EDARADD: variants seen among roughly 807,000 people sequenced by gnomAD.
EDARADD encodes the protein EDAR associated via death domain.
EDARADD carries 20 observed loss-of-function variants against 25.6 expected under a neutral mutation model. The observed-to-expected ratio is 0.78, with a 90% CI of 0.55 to 1.14. The LOEUF is 1.14. Among genes scored for constraint, EDARADD ranks in the 50% most tolerant of loss-of-function variants. The pLI is 0.00. For missense variants in EDARADD, 225 were observed against 270.1 expected (o/e 0.83, Z 1.17); for synonymous variants, 86 against 94.4 (o/e 0.91, Z 0.52).
intron 1 of EDARADD, among the ~76,000 whole-genome samples, chr1:236,399,693 T>C (rs1233243546): frequency 6.6e-6 from 1 of 152,204 alleles, no homozygotes; most frequent in Admixed American, 6.5e-5. Context: ...TGATTGTTCA[T>C]ACAGATAGAT....
At chr1:236,403,270 C>T (rs766076706) in intron 1 of EDARADD, among the ~76,000 whole-genome samples, 1 of 150,198 alleles carries the variant, frequency 6.7e-6, no homozygotes, top group Non-Finnish European at 1.5e-5. Context: ...TAAGTGAGAG[C>T]TTTGAAAGCT....
chr1:236,439,196 G>T (rs1413733737), intron 4 of EDARADD, among the ~76,000 whole-genome samples: 3 of 152,126 alleles, frequency 2.0e-5, no homozygotes, highest in African/African-American at 7.2e-5. Context: ...TTTCTGTTTA[G>T]TGCTTAATAA....
At chr1:236,446,102 A>T (rs542854157) in intron 4 of EDARADD, among the ~76,000 whole-genome samples, 39 of 152,312 alleles carry the variant, frequency 2.6e-4, no homozygotes, top group African/African-American at 9.4e-4. Flanking sequence ...GCTCCATTTT[A>T]CTCTAAGAGA....
chr1:236,448,115 A>G (rs1490310962), intron 4 of EDARADD, among the ~76,000 whole-genome samples: 2 of 152,172 alleles, frequency 1.3e-5, no homozygotes, highest in Admixed American at 1.3e-4. Flanking sequence ...GATTACAGGC[A>G]TGAGCCACCG....
rs1188369922 is a variant in EDARADD at position 236,411,497 on chromosome 1, TCTC to T, written c.120+2226_120+2228del. ...AGGGTGTTTGTGTCTCGTCTCTTCT[TCTC>T]CTTCTCCCTCTCCTTCTTCTTTCTT... On this transcript the variant is annotated intron_variant, in intron 2 of 5. Transcript: ENST00000334232. Among the ~76,000 whole-genome samples the T allele has an allele frequency of 2.0e-5, 3 of 151,202 alleles. No individual in the cohort carries two copies. In the East Asian group the frequency reaches 5.8e-4, roughly 29 times the overall value.
intron 5 of EDARADD, 113 bp from the exon 6 acceptor site, chr1:236,482,154 T>G (rs1161841261): frequency 8.6e-7 from 1 of 1,157,110 alleles, no homozygotes; most frequent in East Asian, 2.4e-5. Flanking sequence ...CATTCTGAAA[T>G]AGTCTTCCAT....
At chr1:236,372,144 C>A (rs796516332) in intron 3 of EDARADD, among the ~76,000 whole-genome samples, 1 of 151,460 alleles carries the variant, frequency 6.6e-6, no homozygotes, top group African/African-American at 2.4e-5. Context: ...TTAGTAGAGA[C>A]GGGGTCTCAC....
intron 3 of EDARADD, among the ~76,000 whole-genome samples, chr1:236,371,928 G>C (rs1002365100): frequency 2.6e-5 from 4 of 151,858 alleles, no homozygotes; most frequent in African/African-American, 9.7e-5. Context: ...CTTGCTAAGA[G>C]TGGTTTGTTG....
chr1:236,389,323 C>T (rs1667393831), upstream of EDARADD, among the ~76,000 whole-genome samples: 1 of 152,194 alleles, frequency 6.6e-6, no homozygotes, highest in South Asian at 2.1e-4. Flanking sequence ...TACCACTCCC[C>T]ACCCAGGGCA....
intron 1 of EDARADD, among the ~76,000 whole-genome samples, chr1:236,399,929 C>T (rs1193238821): frequency 6.6e-6 from 1 of 152,224 alleles, no homozygotes; most frequent in Admixed American, 6.5e-5. Flanking sequence ...CCTCTCACTG[C>T]CCCTCCTGTG....
intron 4 of EDARADD, among the ~76,000 whole-genome samples, chr1:236,465,927 C>G (rs778562768): frequency 1.3e-5 from 2 of 152,174 alleles, no homozygotes; most frequent in Non-Finnish European, 2.9e-5. Context: ...ACAAGTAATT[C>G]GTATTTCCCT....
At chr1:236,408,621 T>C (rs1476934343) in intron 1 of EDARADD, among the ~76,000 whole-genome samples, 1 of 152,104 alleles carries the variant, frequency 6.6e-6, no homozygotes, top group Non-Finnish European at 1.5e-5. Context: ...CTCATGCCTG[T>C]AATCCCAGTG....
At chr1:236,452,371 C>G (rs542866631) in intron 4 of EDARADD, among the ~76,000 whole-genome samples, 6 of 152,306 alleles carry the variant, frequency 3.9e-5, no homozygotes, top group African/African-American at 1.4e-4. Context: ...AAACTGTAAT[C>G]CCCATGTGTC....
intron 1 of EDARADD, among the ~76,000 whole-genome samples, chr1:236,396,239 A>T (rs1243090618): frequency 6.6e-6 from 1 of 152,132 alleles, no homozygotes; most frequent in Admixed American, 6.5e-5. Context: ...TCTTTATTTT[A>T]AAATATTGTG....
At chr1:236,440,483 A>G (rs1020528907) in intron 4 of EDARADD, among the ~76,000 whole-genome samples, 7 of 152,084 alleles carry the variant, frequency 4.6e-5, no homozygotes, top group Non-Finnish European at 2.9e-5. Flanking sequence ...GACAACATTG[A>G]GCCCTCCTAT....
At chr1:236,432,937 A>AAAAAG (rs1553267673) in intron 4 of EDARADD, among the ~76,000 whole-genome samples, 50 of 151,416 alleles carry the variant, frequency 3.3e-4, no homozygotes, top group African/African-American at 1.2e-3. Flanking sequence ...CAAAAAAAAA[A>AAAAAG]AAAGAAAGAA....
intron 5 of EDARADD, among the ~76,000 whole-genome samples, chr1:236,476,116 T>C (rs1437166179): frequency 6.6e-6 from 1 of 151,950 alleles, no homozygotes; most frequent in South Asian, 2.1e-4. Context: ...CGCTGGAACC[T>C]GGTAGGCAGA....
At chr1:236,363,464 C>T (rs1317295650) in intron 3 of EDARADD, among the ~76,000 whole-genome samples, 1 of 151,756 alleles carries the variant, frequency 6.6e-6, no homozygotes, top group African/African-American at 2.4e-5. Context: ...TGCCTGTAAT[C>T]CCAGCACTTT....
chr1:236,440,951 G>A (rs77879448), intron 4 of EDARADD, among the ~76,000 whole-genome samples: 7,718 of 152,112 alleles, frequency 0.051, 573 homozygotes, highest in African/African-American at 0.16. Flanking sequence ...AGGAAGAGTT[G>A]CATGTTTCTC....
Sources: gnomAD v4.1 joint callset for allele counts (sites outside exome capture counted in the v4.1 genomes callset) on GRCh38, gnomAD v4.1.1 for gene constraint, MANE v1.5 for transcripts, NCBI Gene and HGNC (gene_info 2026-07-23, HGNC 2026-07-21) for gene names.